Variants in MME observed in about 807,000 individuals in gnomAD.
MME encodes neprilysin.
A neutral mutation model predicts 113.2 loss-of-function variants in MME; 98 were observed. The ratio of observed to expected loss-of-function variants is 0.87; its 90% CI spans 0.74 to 1.02. The LOEUF is 1.02. Ranked by LOEUF, MME falls within the 50% of genes least tolerant of loss-of-function variation. The pLI, the probability that MME is intolerant of heterozygous loss-of-function variation, is 0.00. For synonymous variants in MME, 292 were observed against 300.6 expected, an observed-to-expected ratio of 0.97 and a Z score of 0.30; for missense variants, 836 against 896.0, an observed-to-expected ratio of 0.93 and a Z score of 0.86.
rs1462687836 is a variant in MME at position 155,083,312 on chromosome 3, C to G, written c.-10-846C>G. Among the ~76,000 whole-genome samples the G allele has an allele frequency of 8.5e-5, 13 of 152,268 alleles. 1 individual carries two copies. In the South Asian group the frequency reaches 2.5e-3, roughly 29 times the overall value. ...TTATTCTATTCTGTGGCAGTGTCCACTTTTTGGTTTAAAGTTTTTAACACA... is the reference window on the plus strand; with the variant it reads ...TTATTCTATTCTGTGGCAGTGTCCAGTTTTTGGTTTAAAGTTTTTAACACA... On this transcript the variant is annotated intron_variant, in intron 1 of 22. Transcript: ENST00000360490.
intron 22 of MME, among the ~76,000 whole-genome samples, chr3:155,177,109 T>C (rs1712617592): frequency 6.6e-6 from 1 of 152,158 alleles, no homozygotes; most frequent in Non-Finnish European, 1.5e-5. Flanking sequence ...TAAATATAAA[T>C]CCTAAAAATA....
chr3:155,073,023 T>C (rs942473972), intron 1 of MME, among the ~76,000 whole-genome samples: 3 of 152,358 alleles, frequency 2.0e-5, no homozygotes, highest in East Asian at 1.9e-4. Flanking sequence ...TGTATTGTTA[T>C]GTTTCCTACA....
intron 1 of MME, among the ~76,000 whole-genome samples, chr3:155,025,103 T>G (rs1280533270): frequency 6.6e-6 from 1 of 152,150 alleles, no homozygotes; most frequent in East Asian, 1.9e-4. Flanking sequence ...GAGGGATGCA[T>G]CTTCCTGAAA....
intron 20 of MME, among the ~76,000 whole-genome samples, chr3:155,171,245 C>G (rs1294018512): frequency 6.6e-6 from 1 of 152,154 alleles, no homozygotes; most frequent in Admixed American, 6.5e-5. Context: ...GCCTTGCCCC[C>G]CTGCTAGATT....
chr3:155,059,258 C>CAAAAAAA (rs11459710), intron 1 of MME, among the ~76,000 whole-genome samples: 36 of 56,042 alleles, frequency 6.4e-4, no homozygotes, highest in African/African-American at 1.1e-3. Context: ...AATTCTGTCT[C>CAAAAAAA]AAAAAAAAAA....
chr3:155,143,151 T>C (rs1201683990), intron 12 of MME, among the ~76,000 whole-genome samples: 2 of 152,200 alleles, frequency 1.3e-5, no homozygotes, highest in Non-Finnish European at 2.9e-5. Flanking sequence ...TTTATGTTTG[T>C]GCAGTGGTTA....
rs749877993 is a variant in MME at position 155,142,288 on chromosome 3, C to T, written c.1146C>T (p.Ser382=). ...SWRFIMDLVS[S]LSRTYKESRN... ...GATTCATAATGGATCTTGTAAGCAG[C>T]CTCAGCCGAACCTACAAGGAGTCCA... The change falls in exon 12 of 23, where the codon AGC becomes AGT. Residue 382 remains serine (S), a synonymous_variant. Transcript: ENST00000360490. 1 of 1,613,458 alleles carries T rather than the reference C, an allele frequency of 6.2e-7. No individual in the cohort carries two copies. Among genetic ancestry groups the T allele is most frequent in the East Asian group, 2.2e-5 (1 of 44,848 alleles).
intron 10 of MME, 29 bp downstream of exon 10, chr3:155,140,321 ATTGTGCCGTT>A (rs1310107142): frequency 1.5e-6 from 2 of 1,362,096 alleles, no homozygotes; most frequent in Non-Finnish European, 1.0e-6. Context: ...GTGCTCTCTT[ATTGTGCCGTT>A]TTCTAAATTA....
At chr3:155,130,914 A>G (rs1250851305) in intron 8 of MME, among the ~76,000 whole-genome samples, 1 of 152,208 alleles carries the variant, frequency 6.6e-6, no homozygotes, top group African/African-American at 2.4e-5. Context: ...ATACTTTTCT[A>G]GGCAGTAGAC....
chr3:155,093,464 T>C (rs1716464625), intron 3 of MME, among the ~76,000 whole-genome samples: 1 of 152,150 alleles, frequency 6.6e-6, no homozygotes, highest in African/African-American at 2.4e-5. Context: ...GACCACTTGG[T>C]CTACCACAGA....
intron 3 of MME, among the ~76,000 whole-genome samples, chr3:155,098,412 T>C (rs1372980886): frequency 1.3e-5 from 2 of 151,790 alleles, no homozygotes; most frequent in African/African-American, 2.4e-5. Context: ...AAAAATTAGC[T>C]GGGCGTGGTG....
At chr3:155,084,028 C>CAACAGCAAAAATTTGACTT in intron 1 of MME, 130 bp from the exon 2 acceptor site, 1 of 908,764 alleles carries the variant, frequency 1.1e-6, no homozygotes, top group Non-Finnish European at 1.7e-6. Flanking sequence ...ATTTTGACTT[C>CAACAGCAAAAATTTGACTT]TCAACAGCAA....
intron 22 of MME, among the ~76,000 whole-genome samples, chr3:155,173,114 G>C (rs1712163894): frequency 6.6e-6 from 1 of 152,098 alleles, no homozygotes; most frequent in South Asian, 2.1e-4. Context: ...ATGCTCTACA[G>C]AGTAGAAAAC....
At chr3:155,139,773 TA>T (rs1720915234) in intron 9 of MME, among the ~76,000 whole-genome samples, 1 of 152,194 alleles carries the variant, frequency 6.6e-6, no homozygotes, top group Non-Finnish European at 1.5e-5. Context: ...TGCTGAATTT[TA>T]ACTAGGACAC....
intron 3 of MME, among the ~76,000 whole-genome samples, chr3:155,107,607 G>A (rs1330388710): frequency 6.6e-6 from 1 of 152,108 alleles, no homozygotes; most frequent in African/African-American, 2.4e-5. Flanking sequence ...AGGAATATAA[G>A]CACAGTCATT....
chr3:155,036,310 A>G (rs574233972), intron 1 of MME, among the ~76,000 whole-genome samples: 22 of 152,310 alleles, frequency 1.4e-4, no homozygotes, highest in South Asian at 8.3e-4. Context: ...CCAATTTAAA[A>G]TGTTCAGTTT....
At chr3:155,050,250 T>C (rs1194207379) in intron 1 of MME, among the ~76,000 whole-genome samples, 1 of 152,186 alleles carries the variant, frequency 6.6e-6, no homozygotes, top group African/African-American at 2.4e-5. Flanking sequence ...GGCATTTAGG[T>C]TGATTCTGTG....
chr3:155,141,417 C>A (rs1027311417), intron 10 of MME, among the ~76,000 whole-genome samples: 1 of 152,088 alleles, frequency 6.6e-6, no homozygotes, highest in African/African-American at 2.4e-5. Flanking sequence ...GACAAGATTT[C>A]ATCTTTTGGC....
chr3:155,025,487 C>T (rs965960576), intron 1 of MME, among the ~76,000 whole-genome samples: 27 of 151,028 alleles, frequency 1.8e-4, no homozygotes, highest in African/African-American at 5.1e-4. Context: ...AGCTGGGCAT[C>T]GTGGCAGGCA....
Sources: allele counts gnomAD v4.1 joint callset (sites outside exome capture counted in the v4.1 genomes callset), GRCh38; gene constraint gnomAD v4.1.1; transcripts MANE v1.5; gene names NCBI Gene and HGNC (gene_info 2026-07-23, HGNC 2026-07-21).